The following MEGF11 variants were observed in gnomAD, a reference collection of about 807,000 sequenced individuals.
MEGF11 encodes multiple epidermal growth factor-like domains protein 11.
In MEGF11, 126 loss-of-function variants were observed where a neutral mutation model predicts 146.6. The ratio of observed to expected loss-of-function variants is 0.86; its 90% CI spans 0.74 to 1.00. The LOEUF (loss-of-function observed/expected upper bound fraction) is 1.00. Among genes scored for constraint, MEGF11 ranks in the 50% least tolerant of loss-of-function variants. The pLI is 0.00. For missense variants in MEGF11, 1,509 were observed against 1,521.2 expected (o/e 0.99, Z 0.13); for synonymous variants, 532 against 583.4 (o/e 0.91, Z 1.27).
chr15:66,221,486 C>T (rs1416309231), intron 1 of MEGF11, among the ~76,000 whole-genome samples: 1 of 151,944 alleles, frequency 6.6e-6, no homozygotes, highest in African/African-American at 2.4e-5. Flanking sequence ...GTCAGAGGAC[C>T]TCGTTCACCC....
In MEGF11 at chr15:65,912,196, C is replaced by G; in HGVS notation, c.2715G>C (p.Leu905Phe). 1 of 1,232,172 alleles carries G rather than the reference C, an allele frequency of 8.1e-7. No homozygotes were observed. The highest frequency in any genetic ancestry group is 1.0e-6 in the Non-Finnish European group (1 of 987,972). The allele number at this position is 1,232,172 out of a possible 1,614,324, so 76.3% of individuals were successfully genotyped here. ...MTSTDYSLSD[L>F]SQSSSHAHCF... Reference sequence around the variant, plus strand: ...AGTGGGCATGGCTGCTACTTTGAGACAAATCTGGGAAGAGAACAAGGTGCC... The same window carrying G: ...AGTGGGCATGGCTGCTACTTTGAGAGAAATCTGGGAAGAGAACAAGGTGCC... The change falls in exon 21 of 26, where the codon TTG (leucine) becomes TTC (phenylalanine). Residue 905 changes from leucine to phenylalanine, a missense_variant. Coordinates refer to ENST00000395614, the MANE Select transcript of MEGF11 (RefSeq NM_001385028.1).
intron 5 of MEGF11, among the ~76,000 whole-genome samples, chr15:66,000,534 G>GA (rs58277872): frequency 0.22 from 31,325 of 145,610 alleles, 3,717 homozygotes; most frequent in East Asian, 0.6. Context: ...CTGTCTCTTT[G>GA]AAAAAAAAAA....
intron 5 of MEGF11, among the ~76,000 whole-genome samples, chr15:66,047,113 AAGG>A (rs1329923330): frequency 2.6e-5 from 4 of 152,228 alleles, no homozygotes; most frequent in Non-Finnish European, 5.9e-5. Flanking sequence ...CTGCCTTTTA[AAGG>A]AGGACTTAGG....
intron 5 of MEGF11, among the ~76,000 whole-genome samples, chr15:66,059,599 C>G (rs1262664216): frequency 2.0e-5 from 3 of 152,050 alleles, no homozygotes; most frequent in African/African-American, 7.2e-5. Context: ...CCAGAGACCC[C>G]CCACAGCGCT....
intron 1 of MEGF11, among the ~76,000 whole-genome samples, chr15:66,173,105 G>A (rs114724924): frequency 1.3e-5 from 2 of 152,198 alleles, no homozygotes; most frequent in South Asian, 2.1e-4. Context: ...GGGGACATCC[G>A]TCTTTCAGTG....
intron 5 of MEGF11, among the ~76,000 whole-genome samples, chr15:66,061,641 C>CTTTTTT (rs68146356): frequency 7.0e-6 from 1 of 143,306 alleles, no homozygotes. Context: ...TTTTTTGAGC[C>CTTTTTT]TTTTTTTTTT....
intron 10 of MEGF11, among the ~76,000 whole-genome samples, chr15:65,940,992 A>G (rs2079970186): frequency 6.6e-6 from 1 of 152,268 alleles, no homozygotes; most frequent in Admixed American, 6.5e-5. Context: ...AGATGTCAGT[A>G]GAATGTCTTG....
chr15:65,977,722 T>C (rs1020826246), intron 7 of MEGF11, among the ~76,000 whole-genome samples: 2 of 152,058 alleles, frequency 1.3e-5, no homozygotes, highest in African/African-American at 4.8e-5. Context: ...CTGGTCCTAT[T>C]TCCCAGCTCC....
chr15:66,049,648 G>T (rs1220946772), intron 5 of MEGF11, among the ~76,000 whole-genome samples: 20 of 152,158 alleles, frequency 1.3e-4, no homozygotes, highest in Admixed American at 1.3e-3. Flanking sequence ...CAGTGATTAT[G>T]GGAATTATTA....
At chr15:66,017,293 G>A (rs998221160) in intron 5 of MEGF11, among the ~76,000 whole-genome samples, 1 of 152,214 alleles carries the variant, frequency 6.6e-6, no homozygotes, top group Non-Finnish European at 1.5e-5. Context: ...GGGTCCTCAG[G>A]ATACTGCTAA....
intron 5 of MEGF11, among the ~76,000 whole-genome samples, chr15:66,065,293 A>G (rs1597045844): frequency 6.6e-6 from 1 of 150,722 alleles, no homozygotes; most frequent in East Asian, 1.9e-4. Flanking sequence ...TATTTATTCT[A>G]TGATGGTGAA....
intron 12 of MEGF11, among the ~76,000 whole-genome samples, chr15:65,928,735 C>T: frequency 6.6e-6 from 1 of 151,938 alleles, no homozygotes; most frequent in Non-Finnish European, 1.5e-5. Context: ...GTGGGGATAA[C>T]ACAGCCATGA....
intron 4 of MEGF11, among the ~76,000 whole-genome samples, chr15:66,113,657 G>A (rs1461264865): frequency 6.6e-6 from 1 of 152,314 alleles, no homozygotes; most frequent in East Asian, 1.9e-4. Context: ...ACTTTGGGAG[G>A]CCGAGGCGGG....
At position 65,911,765 on chromosome 15, in the gene MEGF11, A is replaced by G. The variant is rs148648145; in HGVS notation, c.2829+317T>C. 3.3e-5 allele frequency among the ~76,000 whole-genome samples: 5 copies of G among 152,330 alleles called. No homozygotes were observed. The East Asian group carries it at 7.7e-4, about 23-fold the overall frequency. On this transcript the variant is annotated intron_variant, in intron 21 of 25. Coordinates refer to ENST00000395614, the MANE Select transcript of MEGF11 (RefSeq NM_001385028.1). ...GTTGACATGTGGCAAAAGTGTCTAC[A>G]TGATTATAGGTGATAAAGCAAATAC...
At chr15:65,918,232 G>T in intron 15 of MEGF11, 138 bp from the exon 16 acceptor site, 1 of 1,216,640 alleles carries the variant, frequency 8.2e-7, no homozygotes, top group Non-Finnish European at 1.1e-6. Context: ...GACCACGCCC[G>T]CCTTGGTACC....
At chr15:66,248,356 G>C (rs2092325563) in intron 1 of MEGF11, among the ~76,000 whole-genome samples, 1 of 152,290 alleles carries the variant, frequency 6.6e-6, no homozygotes, top group Non-Finnish European at 1.5e-5. Context: ...CAGCTTCTCT[G>C]TCACTTGCAG....
At chr15:66,105,663 C>G (rs1431418996) in intron 4 of MEGF11, among the ~76,000 whole-genome samples, 1 of 152,176 alleles carries the variant, frequency 6.6e-6, no homozygotes, top group Non-Finnish European at 1.5e-5. Flanking sequence ...TTTTGAGAAT[C>G]CTTTATGGAG....
chr15:66,191,057 A>C (rs1334084812), intron 1 of MEGF11, among the ~76,000 whole-genome samples: 1 of 152,198 alleles, frequency 6.6e-6, no homozygotes. Context: ...ACTTCCAGGG[A>C]TGGAAGAAAA....
At position 65,899,019 on chromosome 15, in the gene MEGF11, G is replaced by A. The variant is rs1031630108; in HGVS notation, c.3056-85C>T. 1.1e-5 allele frequency: 14 copies of A among 1,325,074 alleles called. No homozygotes were observed. In the African/African-American group the frequency reaches 1.6e-4, roughly 15 times the overall value. 82.1% of individuals were successfully genotyped at this position (1,325,074 alleles called of 1,614,324 possible). ...AGAAGCAGACTGCAGTTGAGTTTAT[G>A]TGCCTTCAGGATCTTAGAGCTGGAA... On this transcript the variant is annotated intron_variant, in intron 24 of 25. Coordinates refer to ENST00000395614, the MANE Select transcript of MEGF11 (RefSeq NM_001385028.1).
Sources: allele counts gnomAD v4.1 joint callset (sites outside exome capture counted in the v4.1 genomes callset), GRCh38; gene constraint gnomAD v4.1.1; transcripts MANE v1.5; gene names NCBI Gene and HGNC (gene_info 2026-07-23, HGNC 2026-07-21).